The following CELF4 variants were observed in gnomAD, a reference collection of about 807,000 sequenced individuals.
CELF4 encodes the protein CUG-BP- and ETR-3-like factor 4.
In CELF4, 18 loss-of-function variants were observed where a neutral mutation model predicts 59.9. That is an observed-to-expected ratio of 0.30 (90% CI 0.21 to 0.45). The LOEUF (loss-of-function observed/expected upper bound fraction) is 0.45. Among genes scored for constraint, CELF4 ranks in the 20% least tolerant of loss-of-function variants. CELF4 has a pLI of 1.00. For missense variants in CELF4, 456 were observed against 689.0 expected, an observed-to-expected ratio of 0.66 and a Z score of 3.79; for synonymous variants, 261 against 267.1, an observed-to-expected ratio of 0.98 and a Z score of 0.22.
intron 3 of CELF4, among the ~76,000 whole-genome samples, chr18:37,310,151 T>C (rs954613942): frequency 1.3e-5 from 2 of 151,946 alleles, no homozygotes; most frequent in African/African-American, 4.8e-5. Context: ...ACTATGTTTC[T>C]CCCGTGGCAG....
intron 2 of CELF4, among the ~76,000 whole-genome samples, chr18:37,415,541 A>C (rs780171788): frequency 6.6e-6 from 1 of 152,234 alleles, no homozygotes; most frequent in Non-Finnish European, 1.5e-5. Flanking sequence ...TTTTCCCCCC[A>C]ATGATGGGAG....
At chr18:37,255,619 TA>T (rs2068804245) in intron 11 of CELF4, among the ~76,000 whole-genome samples, 1 of 151,718 alleles carries the variant, frequency 6.6e-6, no homozygotes, top group African/African-American at 2.4e-5. Context: ...GTCTAATCAC[TA>T]AAGTCAAGTT....
chr18:37,254,069 C>G lies in CELF4; in HGVS notation c.1334-131G>C, dbSNP rs1425732955. 4.9e-6 allele frequency: 3 copies of G among 607,026 alleles called. No individual in the cohort carries two copies. Among genetic ancestry groups the G allele is most frequent in the Non-Finnish European group, 6.8e-6 (3 of 438,916 alleles). 37.6% of individuals were successfully genotyped at this position (607,026 alleles called of 1,614,324 possible). ...TCCCCCTCGGGCCCCGCCCCCGGCC[C>G]CGCCCCGGTGCCCGCCCCTCTCCAG... is the stretch of plus-strand genomic sequence containing the variant. On this transcript the variant is annotated intron_variant, in intron 11 of 12. Coordinates refer to ENST00000420428, the MANE Select transcript of CELF4 (RefSeq NM_020180.4). This position sits in a 1 kb window ranked among gnomAD's most constrained non-coding sequence, Gnocchi z 5.1.
chr18:37,494,678 G>A (rs1036402635), intron 1 of CELF4, among the ~76,000 whole-genome samples: 10 of 152,198 alleles, frequency 6.6e-5, no homozygotes, highest in African/African-American at 2.4e-4. Flanking sequence ...ACTGGGAGAG[G>A]CCCTGAGATG....
intron 2 of CELF4, among the ~76,000 whole-genome samples, chr18:37,425,647 G>T (rs879137398): frequency 6.6e-6 from 1 of 152,358 alleles, no homozygotes; most frequent in East Asian, 1.9e-4. Flanking sequence ...GTCCACCAGG[G>T]AGAAAGCTCA....
intron 11 of CELF4, among the ~76,000 whole-genome samples, chr18:37,258,115 A>G (rs2071307574): frequency 6.6e-6 from 1 of 152,198 alleles, no homozygotes; most frequent in Admixed American, 6.5e-5. Context: ...TCTATATTTT[A>G]TCTGACAGCC....
chr18:37,288,240 T>G (rs2154405441), intron 3 of CELF4, among the ~76,000 whole-genome samples: 1 of 152,336 alleles, frequency 6.6e-6, no homozygotes, highest in South Asian at 2.1e-4. Context: ...CCACTGCACC[T>G]AATGAGGTCC....
chr18:37,450,789 C>T (rs889966950), intron 2 of CELF4, among the ~76,000 whole-genome samples: 1 of 152,176 alleles, frequency 6.6e-6, no homozygotes, highest in African/African-American at 2.4e-5. Context: ...GTACCTGTCA[C>T]TCCTTGGGAC....
intron 2 of CELF4, among the ~76,000 whole-genome samples, chr18:37,412,597 C>T (rs760545800): frequency 9.5e-5 from 14 of 147,130 alleles, no homozygotes; most frequent in Non-Finnish European, 1.6e-4. Flanking sequence ...TGGACGGGTA[C>T]GTGTGTGTGG....
At chr18:37,273,331 C>A in intron 6 of CELF4, 168 bp from the exon 7 acceptor site, 1 of 1,416,680 alleles carries the variant, frequency 7.1e-7, no homozygotes. Flanking sequence ...TGTACCTCAA[C>A]AGCTATTAGA....
chr18:37,425,234 T>C (rs1451812738), intron 2 of CELF4, among the ~76,000 whole-genome samples: 1 of 152,238 alleles, frequency 6.6e-6, no homozygotes, highest in East Asian at 1.9e-4. Context: ...CTGACCATGA[T>C]GCTACCGGCC....
In CELF4 at chr18:37,274,806, G is replaced by A. The variant is rs199540513; in HGVS notation, c.656C>T (p.Pro219Leu). The A allele has an allele frequency of 6.3e-7, 1 of 1,595,680 alleles. No individual in the cohort carries two copies. Among genetic ancestry groups the A allele is most frequent in the Non-Finnish European group, 8.5e-7 (1 of 1,172,966 alleles). ...CCGCCCCAAGGGGCCAGCACTCACC[G>A]GCATGGTCTGGCTGCCGTGTAGCGC... ...INALHGSQTM[P>L]GASSSLVVKF... The change falls in exon 5 of 13, where the codon CCG becomes CTG. Residue 219 changes from proline to leucine, a missense_variant and splice_region_variant. Physicochemically the swap from Pro to Leu is moderately conservative, Grantham distance 98 (BLOSUM62 -3). Transcript: ENST00000420428.
intron 2 of CELF4, among the ~76,000 whole-genome samples, chr18:37,322,819 C>T (rs1037679758): frequency 1.5e-4 from 23 of 152,230 alleles, no homozygotes; most frequent in Non-Finnish European, 3.1e-4. Context: ...CTTGCATCTG[C>T]ATTTCTCTCA....
chr18:37,443,826 C>T (rs558621248), intron 2 of CELF4, among the ~76,000 whole-genome samples: 19 of 152,150 alleles, frequency 1.2e-4, no homozygotes, highest in Non-Finnish European at 2.2e-4. Flanking sequence ...GCCCTCCATT[C>T]GCCAGATATT....
chr18:37,453,755 A>C (rs2099770522), intron 2 of CELF4, among the ~76,000 whole-genome samples: 1 of 152,176 alleles, frequency 6.6e-6, no homozygotes, highest in Non-Finnish European at 1.5e-5. Context: ...TGCAGACTGC[A>C]GTCACTGGAT....
At position 37,374,087 on chromosome 18, in the gene CELF4, G is replaced by T. The variant is rs1342886991; in HGVS notation, c.370-52206C>A. 3.3e-5 allele frequency among the ~76,000 whole-genome samples: 5 copies of T among 152,162 alleles called. No individual in the cohort carries two copies. In the East Asian group the frequency reaches 9.6e-4, roughly 29 times the overall value. On this transcript the variant is annotated intron_variant, in intron 2 of 12. Coordinates refer to ENST00000420428, the MANE Select transcript of CELF4 (RefSeq NM_020180.4). ...TCCACAGCAATTCACATGCCAGAAA[G>T]GTGGCTACCCCACCGCCCAGCCACT...
At position 37,270,533 on chromosome 18, in the gene CELF4, G is replaced by A. The variant is rs117979704; in HGVS notation, c.1099+235C>T. ...TCCCTAAGGGAGCACCTGGAATGGGGATCTGTCTCCCAGATCAGAATGACA... is the reference window on the plus strand; with the variant it reads ...TCCCTAAGGGAGCACCTGGAATGGGAATCTGTCTCCCAGATCAGAATGACA... On this transcript the variant is annotated intron_variant, in intron 8 of 12. Coordinates refer to ENST00000420428, the MANE Select transcript of CELF4 (RefSeq NM_020180.4). Among the ~76,000 whole-genome samples the A allele has an allele frequency of 4.6e-3, 695 of 152,306 alleles. 5 individuals carry two copies. Among genetic ancestry groups the A allele is most frequent in the East Asian group, 0.013 (67 of 5,180 alleles).
chr18:37,329,673 G>T (rs2097462199), intron 2 of CELF4, among the ~76,000 whole-genome samples: 1 of 152,240 alleles, frequency 6.6e-6, no homozygotes, highest in Non-Finnish European at 1.5e-5. Context: ...TCTGGACATG[G>T]GTGGACCTGG....
chr18:37,256,126 A>G (rs1413571653), intron 11 of CELF4, among the ~76,000 whole-genome samples: 1 of 152,088 alleles, frequency 6.6e-6, no homozygotes, highest in Non-Finnish European at 1.5e-5. Flanking sequence ...TGGTTCCAGG[A>G]CCGTCTTCCT....
Sources: gnomAD v4.1 joint callset for allele counts (sites outside exome capture counted in the v4.1 genomes callset) on GRCh38, gnomAD v4.1.1 for gene constraint, Gnocchi (gnomAD v3.1) non-coding constraint, MANE v1.5 for transcripts, NCBI Gene and HGNC (gene_info 2026-07-23, HGNC 2026-07-21) for gene names.